Variants in KALRN observed in about 807,000 individuals in gnomAD.
KALRN encodes the protein kalirin RhoGEF kinase, also known as kalirin.
KALRN carries 70 observed loss-of-function variants against 353.7 expected under a neutral mutation model. The observed-to-expected ratio is 0.20, with a 90% confidence interval of 0.16 to 0.24. The LOEUF is 0.24. Among genes scored for constraint, KALRN ranks in the 10% least tolerant of loss-of-function variants. KALRN has a pLI of 1.00. For missense variants in KALRN, 2,791 were observed against 3,756.7 expected, an observed-to-expected ratio of 0.74 and a Z score of 6.72; for synonymous variants, 1,391 against 1,434.8, an observed-to-expected ratio of 0.97 and a Z score of 0.69.
chr3:124,195,993 T>A (rs1197123951), intron 1 of KALRN, among the ~76,000 whole-genome samples: 3 of 152,194 alleles, frequency 2.0e-5, no homozygotes, highest in Non-Finnish European at 2.9e-5. Flanking sequence ...GGCTTGGAAC[T>A]CTTTCCCCAA....
Position 124,590,011 on chromosome 3 carries a change from CTTTTTTCT to C in KALRN, c.5182+26937_5182+26944del, listed in dbSNP as rs1358443266. Among the ~76,000 whole-genome samples the C allele has an allele frequency of 3.4e-4, 52 of 151,982 alleles. No individual in the cohort carries two copies. The East Asian group carries it at 3.9e-3, about 11-fold the overall frequency. On this transcript the variant is annotated intron_variant, in intron 34 of 59. Coordinates refer to ENST00000682506, the MANE Select transcript of KALRN (RefSeq NM_001388419.1). ...AGGGATGTACTCTATTTCTATCTTT[CTTTTTTCT>C]TTTTTTCTTTTTTTTAAATTAAATG...
chr3:124,491,338 G>T lies in KALRN; in HGVS notation c.4603G>T (p.Val1535Leu), dbSNP rs1179323692. The T allele has an allele frequency of 1.2e-6, 2 of 1,606,490 alleles. No homozygotes were observed. Among genetic ancestry groups the T allele is most frequent in the Non-Finnish European group, 1.7e-6 (2 of 1,176,022 alleles). Residue 1535 changes from valine (V) to leucine (L), a missense_variant, in exon 31 of 60, where the codon GTG (valine) becomes TTG (leucine). Coordinates refer to ENST00000682506, the MANE Select transcript of KALRN (RefSeq NM_001388419.1). ...KNKLLTSELG[V>L]TEHVEGDPCK... ...CTGTCTACAGACCTCAGAGCTGGGT[G>T]TGACCGAGCACGTGGAGGGCGATCC...
At chr3:124,368,447 G>A (rs1232218068) in intron 10 of KALRN, among the ~76,000 whole-genome samples, 4 of 144,564 alleles carry the variant, frequency 2.8e-5, no homozygotes, top group African/African-American at 7.8e-5. Context: ...GAGGCGCTCC[G>A]CACATCTCAG....
intron 33 of KALRN, chr3:124,518,273 TG>T (rs2066847393): frequency 3.6e-6 from 3 of 823,156 alleles, no homozygotes; most frequent in Non-Finnish European, 6.4e-6. Context: ...CACTCTGCAC[TG>T]GGTTACTAGA....
intron 33 of KALRN, among the ~76,000 whole-genome samples, chr3:124,543,289 A>T (rs913927102): frequency 1.3e-5 from 2 of 151,994 alleles, no homozygotes; most frequent in Non-Finnish European, 2.9e-5. Flanking sequence ...GTGAGGTATT[A>T]AAAAAATTTA....
intron 1 of KALRN, among the ~76,000 whole-genome samples, chr3:124,175,556 C>T (rs1477687912): frequency 6.6e-6 from 1 of 151,548 alleles, no homozygotes; most frequent in East Asian, 1.9e-4. Flanking sequence ...GAGATGTGCG[C>T]TGCCGAGGGT....
chr3:124,265,765 A>G (rs2148896676), intron 4 of KALRN, among the ~76,000 whole-genome samples: 1 of 152,330 alleles, frequency 6.6e-6, no homozygotes, highest in African/African-American at 2.4e-5. Flanking sequence ...GTGCATATAC[A>G]TACACATATA....
At chr3:124,534,400 C>T (rs950578846) in intron 33 of KALRN, among the ~76,000 whole-genome samples, 2 of 152,076 alleles carry the variant, frequency 1.3e-5, no homozygotes, top group African/African-American at 4.8e-5. Context: ...GGAGGGAGAG[C>T]ATTAGGACAA....
intron 10 of KALRN, among the ~76,000 whole-genome samples, chr3:124,356,640 C>G (rs2083452277): frequency 1.3e-5 from 2 of 152,182 alleles, no homozygotes; most frequent in Admixed American, 1.3e-4. Flanking sequence ...GGCCACTTAA[C>G]AGGTCTTAAT....
intron 49 of KALRN, 83 bp from the exon 50 acceptor site, chr3:124,678,107 A>C: frequency 6.9e-7 from 1 of 1,448,512 alleles, no homozygotes; most frequent in African/African-American, 1.4e-5. Flanking sequence ...TCACCTGCTG[A>C]CTCACCCAAG....
At chr3:124,697,978 A>T (rs537059328) in intron 55 of KALRN, among the ~76,000 whole-genome samples, 16 of 151,172 alleles carry the variant, frequency 1.1e-4, no homozygotes, top group Non-Finnish European at 1.0e-4. Context: ...TTTATTGTTT[A>T]TTTTTTTTGA....
chr3:124,398,306 T>C (rs1437529968), intron 12 of KALRN, among the ~76,000 whole-genome samples: 1 of 152,200 alleles, frequency 6.6e-6, no homozygotes. Context: ...GTACGTATTG[T>C]GATAGATTTA....
chr3:124,415,734 C>G (rs888980775), intron 14 of KALRN, among the ~76,000 whole-genome samples: 2 of 152,176 alleles, frequency 1.3e-5, no homozygotes, highest in Non-Finnish European at 2.9e-5. Context: ...GTTCAATTAG[C>G]CCTCCAGGTG....
intron 33 of KALRN, chr3:124,504,874 G>A: frequency 2.0e-6 from 1 of 493,240 alleles, no homozygotes; most frequent in Non-Finnish European, 4.2e-6. Context: ...TTTGGTGGAA[G>A]GAGAAAGCAA....
intron 10 of KALRN, among the ~76,000 whole-genome samples, chr3:124,368,281 C>A (rs1362988566): frequency 6.9e-6 from 1 of 144,110 alleles, no homozygotes; most frequent in South Asian, 2.2e-4. Flanking sequence ...GGCTGCCGGG[C>A]GGAGACGCTC....
At chr3:124,706,006 G>A (rs1366605318) in intron 57 of KALRN, among the ~76,000 whole-genome samples, 1 of 151,956 alleles carries the variant, frequency 6.6e-6, no homozygotes, top group East Asian at 1.9e-4. Flanking sequence ...TGACCTCCTG[G>A]GCTCAAGTGA....
In KALRN at chr3:124,174,555, G is replaced by A. The variant is rs141799028; in HGVS notation, c.74-53435G>A. ...ACTCCCAAGCCAAGCTCCCTTCTTC[G>A]AGCACCTGGGCCACTCCTCCATCCC... is the stretch of plus-strand genomic sequence containing the variant. On this transcript the variant is annotated intron_variant, in intron 1 of 59. Transcript: ENST00000682506. Among the ~76,000 whole-genome samples, 27 of 152,284 alleles carry A rather than the reference G, an allele frequency of 1.8e-4. No individual in the cohort carries two copies. In the Middle Eastern group the frequency reaches 0.024, roughly 134 times the overall value.
chr3:124,607,862 C>A (rs1186193667), intron 34 of KALRN, among the ~76,000 whole-genome samples: 2 of 152,108 alleles, frequency 1.3e-5, no homozygotes, highest in African/African-American at 4.8e-5. Context: ...GCCTCAGCCT[C>A]CCAAAATGTT....
intron 5 of KALRN, among the ~76,000 whole-genome samples, chr3:124,291,257 C>T (rs1235578421): frequency 6.6e-6 from 1 of 152,182 alleles, no homozygotes; most frequent in Non-Finnish European, 1.5e-5. Context: ...AGAGTTTCTG[C>T]AATGAACATT....
Sources: allele counts gnomAD v4.1 joint callset (sites outside exome capture counted in the v4.1 genomes callset), GRCh38; gene constraint gnomAD v4.1.1; transcripts MANE v1.5; gene names NCBI Gene and HGNC (gene_info 2026-07-23, HGNC 2026-07-21).